Variants in AKAP19 observed in about 807,000 individuals in gnomAD.
AKAP19 encodes the protein small A-kinase anchoring protein.
the AKAP19 span, among the ~76,000 whole-genome samples, chr2:189,926,140 A>G: frequency 6.6e-6 from 1 of 152,236 alleles, no homozygotes; most frequent in Non-Finnish European, 1.5e-5. Flanking sequence ...AGCAAGAGAT[A>G]TAGGCATTTT....
At chr2:189,983,051 C>A in the AKAP19 span, among the ~76,000 whole-genome samples, 3 of 152,082 alleles carry the variant, frequency 2.0e-5, no homozygotes, top group Non-Finnish European at 2.9e-5. Context: ...AAGCACCCAC[C>A]CTGATTGGGG....
chr2:190,057,715 G>T, the AKAP19 span: 2 of 1,478,212 alleles, frequency 1.4e-6, no homozygotes, highest in Admixed American at 1.7e-5. Context: ...AGAAGTTATT[G>T]TTGAAGTAAT....
the AKAP19 span, among the ~76,000 whole-genome samples, chr2:190,080,227 C>T: frequency 7.9e-5 from 12 of 152,120 alleles, no homozygotes; most frequent in Non-Finnish European, 1.3e-4. Context: ...TTAGCAAAAT[C>T]GCAAGACTGT....
At chr2:190,136,391 T>G in the AKAP19 span, among the ~76,000 whole-genome samples, 1 of 152,204 alleles carries the variant, frequency 6.6e-6, no homozygotes, top group Non-Finnish European at 1.5e-5. Flanking sequence ...AAGCTGGAGC[T>G]GCTTGCTTTC....
At chr2:189,921,291 ATGT>A in the AKAP19 span, among the ~76,000 whole-genome samples, 1 of 152,186 alleles carries the variant, frequency 6.6e-6, no homozygotes, top group African/African-American at 2.4e-5. Context: ...AGTCAGGAAA[ATGT>A]TGTGTCATAG....
chr2:190,003,238 T>A, the AKAP19 span, among the ~76,000 whole-genome samples: 2 of 152,126 alleles, frequency 1.3e-5, no homozygotes, highest in Admixed American at 6.5e-5. Context: ...ATGAAATATA[T>A]GTAGATAATG....
chr2:189,927,469 ATTCTT>A, the AKAP19 span, among the ~76,000 whole-genome samples: 1 of 152,210 alleles, frequency 6.6e-6, no homozygotes. Flanking sequence ...TTATGCAGCT[ATTCTT>A]TTCTTTTTAA....
At chr2:190,051,683 T>TAAGG in the AKAP19 span, among the ~76,000 whole-genome samples, 1 of 152,182 alleles carries the variant, frequency 6.6e-6, no homozygotes, top group East Asian at 1.9e-4. Flanking sequence ...TCTGGTGCTG[T>TAAGG]AAGGAACTTA....
the AKAP19 span, among the ~76,000 whole-genome samples, chr2:189,897,124 G>C: frequency 6.6e-6 from 1 of 152,168 alleles, no homozygotes; most frequent in African/African-American, 2.4e-5. Context: ...AAGACTGAGA[G>C]AAAATGTAAA....
the AKAP19 span, among the ~76,000 whole-genome samples, chr2:190,011,597 A>C: frequency 6.6e-6 from 1 of 152,210 alleles, no homozygotes; most frequent in South Asian, 2.1e-4. Context: ...TCCATTTTGA[A>C]GTTTTTAAAA....
the AKAP19 span, among the ~76,000 whole-genome samples, chr2:190,084,451 C>T: frequency 6.6e-6 from 1 of 152,028 alleles, no homozygotes; most frequent in African/African-American, 2.4e-5. Flanking sequence ...GGTTTGAGAC[C>T]ACTGATGGGA....
At chr2:189,924,052 G>C in the AKAP19 span, 3 of 1,542,788 alleles carry the variant, frequency 1.9e-6, no homozygotes, top group Non-Finnish European at 2.7e-6. Context: ...TGAAGATGGA[G>C]TCTGAGGGGG....
the AKAP19 span, among the ~76,000 whole-genome samples, chr2:190,116,274 A>G: frequency 1.3e-5 from 2 of 152,230 alleles, no homozygotes; most frequent in Non-Finnish European, 2.9e-5. Flanking sequence ...GGGGAAGTTC[A>G]AGATCAAGGA....
the AKAP19 span, among the ~76,000 whole-genome samples, chr2:189,915,573 A>G: frequency 6.6e-6 from 1 of 152,162 alleles, no homozygotes; most frequent in African/African-American, 2.4e-5. Flanking sequence ...AAAAGAAAAA[A>G]ATTTGAAATT....
At chr2:189,943,078 C>T in the AKAP19 span, among the ~76,000 whole-genome samples, 4 of 152,212 alleles carry the variant, frequency 2.6e-5, no homozygotes, top group African/African-American at 9.6e-5. Context: ...GTTATTCATG[C>T]AGCTAAAAGA....
chr2:190,004,088 ATCTC>A, the AKAP19 span, among the ~76,000 whole-genome samples: 3 of 145,598 alleles, frequency 2.1e-5, no homozygotes, highest in Non-Finnish European at 4.4e-5. Flanking sequence ...AATATAGTTA[ATCTC>A]TCTCTCTCTA....
chr2:190,165,403 C>T, the AKAP19 span, among the ~76,000 whole-genome samples: 1 of 152,134 alleles, frequency 6.6e-6, no homozygotes, highest in Non-Finnish European at 1.5e-5. Flanking sequence ...TGCCACTGTA[C>T]TCCAGCTTAG....
At chr2:189,895,698 G>T in the AKAP19 span, among the ~76,000 whole-genome samples, 1,846 of 152,144 alleles carry the variant, frequency 0.012, 38 homozygotes, top group African/African-American at 0.039. Context: ...TTGAATATCA[G>T]GCTAAAGGTT....
the AKAP19 span, among the ~76,000 whole-genome samples, chr2:190,034,651 C>A: frequency 1.9e-4 from 29 of 151,290 alleles, no homozygotes; most frequent in East Asian, 5.5e-3. Flanking sequence ...TGGAGACCAG[C>A]CTGGCCAACA....
Sources: gnomAD v4.1 joint callset for allele counts (sites outside exome capture counted in the v4.1 genomes callset) on GRCh38, gnomAD v4.1.1 for gene constraint, MANE v1.5 for transcripts, NCBI Gene and HGNC (gene_info 2026-07-23, HGNC 2026-07-21) for gene names.